The following PRKG1 variants were observed in gnomAD, a reference collection of about 807,000 sequenced individuals.
The protein encoded by PRKG1 is protein kinase cGMP-dependent 1.
In PRKG1, 35 loss-of-function variants were observed where a neutral mutation model predicts 88.1. That is an observed-to-expected ratio of 0.40 (90% CI 0.30 to 0.53). The LOEUF (loss-of-function observed/expected upper bound fraction) is 0.53, where lower values mean the gene tolerates loss of function less well. PRKG1 is among the 20% of genes least tolerant of loss of function. The probability of loss-of-function intolerance (pLI) is 0.59; values close to 1 mark genes in which losing one functional copy is unlikely to be tolerated. For synonymous variants in PRKG1, 303 were observed against 292.5 expected (o/e 1.04, Z -0.37); for missense variants, 540 against 839.8 (o/e 0.64, Z 4.41).
At chr10:51,364,301 C>A (rs1842545468) in intron 2 of PRKG1, among the ~76,000 whole-genome samples, 1 of 151,888 alleles carries the variant, frequency 6.6e-6, no homozygotes, top group Admixed American at 6.6e-5. Context: ...AGCAGTCAGG[C>A]AAATGGGAGG....
At chr10:52,041,157 C>T (rs75877325) in intron 5 of PRKG1, among the ~76,000 whole-genome samples, 1 of 152,084 alleles carries the variant, frequency 6.6e-6, no homozygotes, top group East Asian at 1.9e-4. Flanking sequence ...ATCTTCTGTG[C>T]CTAATTTGTT....
At chr10:51,993,646 A>T (rs949984454) in intron 5 of PRKG1, among the ~76,000 whole-genome samples, 1 of 152,204 alleles carries the variant, frequency 6.6e-6, no homozygotes, top group Non-Finnish European at 1.5e-5. Context: ...TAAAGTAGTG[A>T]CAGCAGTAGC....
chr10:51,682,395 G>A (rs986120384), intron 3 of PRKG1, among the ~76,000 whole-genome samples: 1 of 152,114 alleles, frequency 6.6e-6, no homozygotes, highest in African/African-American at 2.4e-5. Flanking sequence ...TCCTTCTCTG[G>A]TAACAAATCT....
Position 51,502,911 on chromosome 10 carries a change from C to T in PRKG1, c.592+35075C>T, listed in dbSNP as rs117189909. On this transcript the variant is annotated intron_variant, in intron 3 of 17. Transcript: ENST00000373980. ...TATAAATCAGCTGTAAGGCTATATA[C>T]CTATTTCTGTTTTTCAAAGATGAGT... Among the ~76,000 whole-genome samples the T allele has an allele frequency of 1.2e-4, 18 of 152,216 alleles. No individual in the cohort carries two copies. In the East Asian group the frequency reaches 3.1e-3, roughly 26 times the overall value.
At chr10:51,709,014 C>G (rs541235759) in intron 3 of PRKG1, among the ~76,000 whole-genome samples, 132 of 152,320 alleles carry the variant, frequency 8.7e-4, no homozygotes, top group African/African-American at 3.0e-3. Flanking sequence ...CTGTTTTGAG[C>G]TAGACAGCCA....
chr10:51,816,187 C>T (rs1360945393), intron 4 of PRKG1, among the ~76,000 whole-genome samples: 1 of 152,138 alleles, frequency 6.6e-6, no homozygotes, highest in Non-Finnish European at 1.5e-5. Context: ...TAATGAATCT[C>T]ACACAGATAA....
chr10:51,791,459 A>G (rs1838868027), intron 3 of PRKG1, among the ~76,000 whole-genome samples: 5 of 152,142 alleles, frequency 3.3e-5, no homozygotes, highest in Admixed American at 3.3e-4. Context: ...TAGGTCTTTT[A>G]CTGACTTTTC....
intron 2 of PRKG1, among the ~76,000 whole-genome samples, chr10:51,400,812 C>T (rs1304439424): frequency 6.6e-6 from 1 of 152,158 alleles, no homozygotes; most frequent in Non-Finnish European, 1.5e-5. Context: ...GAACTAGCAG[C>T]AGCCCCTTTC....
chr10:51,891,437 A>C (rs7082594), intron 4 of PRKG1, among the ~76,000 whole-genome samples: 109,868 of 152,068 alleles, frequency 0.72, 39,865 homozygotes, highest in African/African-American at 0.77. Context: ...TCGAATAAGA[A>C]CTTTGACTAT....
chr10:51,264,496 A>T (rs555528312), intron 2 of PRKG1, among the ~76,000 whole-genome samples: 1 of 152,324 alleles, frequency 6.6e-6, no homozygotes, highest in African/African-American at 2.4e-5. Context: ...TGAAAAATAT[A>T]CATGGACATG....
At chr10:51,179,482 A>G (rs1367770304) in intron 2 of PRKG1, among the ~76,000 whole-genome samples, 6 of 152,214 alleles carry the variant, frequency 3.9e-5, no homozygotes, top group Admixed American at 3.9e-4. Context: ...TGATTTGTTC[A>G]TATCTTCTTG....
chr10:51,694,268 C>T (rs1273827680), intron 3 of PRKG1, among the ~76,000 whole-genome samples: 2 of 152,158 alleles, frequency 1.3e-5, no homozygotes, highest in African/African-American at 4.8e-5. Context: ...AGGCCTGACA[C>T]ACCATAGGAA....
At chr10:51,011,336 G>A (rs2132724117) in intron 1 of PRKG1, among the ~76,000 whole-genome samples, 1 of 152,022 alleles carries the variant, frequency 6.6e-6, no homozygotes, top group Admixed American at 6.6e-5. Flanking sequence ...CAGCCCTCCT[G>A]ACCACCAGTT....
chr10:51,586,260 A>G (rs1230053064), intron 3 of PRKG1, among the ~76,000 whole-genome samples: 1 of 152,208 alleles, frequency 6.6e-6, no homozygotes, highest in Non-Finnish European at 1.5e-5. Flanking sequence ...CTGAAGGTTT[A>G]CAGACATATT....
chr10:51,555,175 A>C (rs1837278843), intron 3 of PRKG1, among the ~76,000 whole-genome samples: 2 of 151,902 alleles, frequency 1.3e-5, no homozygotes, highest in African/African-American at 2.4e-5. Context: ...ATGGCTCTCC[A>C]GTTCCAAGTG....
intron 2 of PRKG1, among the ~76,000 whole-genome samples, chr10:51,447,252 C>T (rs974004936): frequency 6.6e-6 from 1 of 151,894 alleles, no homozygotes; most frequent in African/African-American, 2.4e-5. Context: ...AGAGAGCATA[C>T]CAGGGATTGC....
intron 2 of PRKG1, among the ~76,000 whole-genome samples, chr10:51,441,082 G>A (rs1425157916): frequency 6.6e-6 from 1 of 151,866 alleles, no homozygotes; most frequent in Non-Finnish European, 1.5e-5. Flanking sequence ...GAGTGCCTGG[G>A]TCCTTCCAAA....
chr10:51,247,735 C>T (rs1589277065), intron 2 of PRKG1, among the ~76,000 whole-genome samples: 2 of 151,956 alleles, frequency 1.3e-5, no homozygotes, highest in East Asian at 3.9e-4. Context: ...TCCCATATTG[C>T]TGTGTCTTTT....
In PRKG1 at chr10:51,671,115, T is replaced by A. The variant is rs147644535; in HGVS notation, c.593-133470T>A. Among the ~76,000 whole-genome samples the A allele has an allele frequency of 2.0e-3, 311 of 152,338 alleles. 3 individuals carry two copies. Among genetic ancestry groups the A allele is most frequent in the Middle Eastern group, 6.8e-3 (2 of 294 alleles). ...AGAAGTTTAATCAATGAGAATCTGA[T>A]CATGCTAAATTCTGCTTTATGATCT... On this transcript the variant is annotated intron_variant, in intron 3 of 17. Transcript: ENST00000373980.
Sources: allele counts gnomAD v4.1 joint callset (sites outside exome capture counted in the v4.1 genomes callset), GRCh38; gene constraint gnomAD v4.1.1; transcripts MANE v1.5; gene names NCBI Gene and HGNC (gene_info 2026-07-23, HGNC 2026-07-21).